CDHR2: variants seen among roughly 807,000 people sequenced by gnomAD.
The protein encoded by CDHR2 is cadherin-related family member 2.
In CDHR2, 104 loss-of-function variants were observed where a neutral mutation model predicts 138.6. The ratio of observed to expected loss-of-function variants is 0.75; its 90% confidence interval spans 0.64 to 0.88. CDHR2 has a LOEUF of 0.88. CDHR2 is among the 40% of genes least tolerant of loss of function. The pLI, the probability that CDHR2 is intolerant of heterozygous loss-of-function variation, is 0.00. For missense variants in CDHR2, 1,624 were observed against 1,727.6 expected, an observed-to-expected ratio of 0.94 and a Z score of 1.06; for synonymous variants, 755 against 742.8, an observed-to-expected ratio of 1.02 and a Z score of -0.27.
intron 3 of CDHR2, among the ~76,000 whole-genome samples, chr5:176,567,934 C>CT (rs1269624693): frequency 6.6e-6 from 1 of 152,244 alleles, no homozygotes; most frequent in African/African-American, 2.4e-5. Flanking sequence ...TGGCCTTCTG[C>CT]TTTTAAAAGA....
chr5:176,565,636 G>GGTGTCCCGATGTTCCAGCACACT, intron 2 of CDHR2, 36 bp from the exon 3 acceptor site: 1 of 1,584,280 alleles, frequency 6.3e-7, no homozygotes, highest in East Asian at 2.2e-5. Context: ...GTTTTGCAGG[G>GGTGTCCCGATGTTCCAGCACACT]GTGTCCCGAT....
rs1758353840 is a variant in CDHR2, at chr5:176,575,535, G to A, written c.798G>A (p.Val266=). 6.2e-7 allele frequency: 1 copy of A among 1,614,072 alleles called. No homozygotes were observed. Among genetic ancestry groups the A allele is most frequent in the Non-Finnish European group, 8.5e-7 (1 of 1,180,046 alleles). ...CCTCGGTGCTGACGGTGGAGGCTGT[G>A]GATGGCGACAAAGGCATCAATGACC... ...KGTSVLTVEA[V]DGDKGINDPV... is the part of the protein sequence containing the mutation. The change falls in exon 10 of 32, where the codon GTG becomes GTA. Residue 266 remains valine (V), a synonymous_variant. Transcript: ENST00000261944.
At chr5:176,546,063 A>T (rs1189328145), upstream of CDHR2, among the ~76,000 whole-genome samples, 1 of 152,194 alleles carries the variant, frequency 6.6e-6, no homozygotes, top group Non-Finnish European at 1.5e-5. Flanking sequence ...CAGCAGAGCG[A>T]CCAGGCTGAC....
chr5:176,587,458 T>A (rs7703586), intron 21 of CDHR2, among the ~76,000 whole-genome samples: 85,587 of 150,068 alleles, frequency 0.57, 24,787 homozygotes, highest in Admixed American at 0.66. Context: ...CAAAAAAAAA[T>A]AAATAAATAA....
intron 21 of CDHR2, 146 bp downstream of exon 21, chr5:176,586,988 T>C: frequency 1.5e-6 from 1 of 647,502 alleles, no homozygotes; most frequent in South Asian, 1.8e-5. Flanking sequence ...AACACCTGTC[T>C]AATCAATGTA....
intron 16 of CDHR2, among the ~76,000 whole-genome samples, chr5:176,580,107 A>AAC (rs202085342): frequency 2.7e-5 from 4 of 148,972 alleles, no homozygotes; most frequent in South Asian, 4.2e-4. Flanking sequence ...GCAGGACAGG[A>AAC]ACACACACAC....
chr5:176,557,666 G>A lies in CDHR2; in HGVS notation c.-15-7672G>A, dbSNP rs373147290. 3.7e-4 allele frequency among the ~76,000 whole-genome samples: 53 copies of A among 141,872 alleles called. 1 individual carries two copies. Among genetic ancestry groups the A allele is most frequent in the African/African-American group, 1.3e-3 (50 of 37,714 alleles). The allele number at this position is 141,872 out of a possible 152,430, so 93.1% of individuals were successfully genotyped here. ...CTGCAACCTCGGCCTCCTGGGCTAA[G>A]TCATTATCTGTTGATTTTTTTTTCT... On this transcript the variant is annotated intron_variant, in intron 1 of 31. Coordinates refer to ENST00000261944, the MANE Select transcript of CDHR2 (RefSeq NM_017675.6).
At position 176,584,557 on chromosome 5, in the gene CDHR2, G is replaced by A. The variant is rs143101284; in HGVS notation, c.2276G>A (p.Arg759Gln). The A allele has an allele frequency of 2.9e-5, 47 of 1,612,080 alleles. No individual in the cohort carries two copies. The African/African-American group carries it at 4.8e-4, about 16-fold the overall frequency. ...GCTGGGTGGGCTGAGGGCTACCTCC[G>A]GCTGCCCCCGGACGTGAGCCTGGAT... is the stretch of plus-strand genomic sequence containing the variant. ...LGAGWAEGYLRLPPDVSLDYE... is the reference protein window; with the variant it reads ...LGAGWAEGYLQLPPDVSLDYE... The change falls in exon 19 of 32, where the codon CGG becomes CAG. Residue 759 changes from arginine (R) to glutamine (Q), a missense_variant. Coordinates refer to ENST00000261944, the MANE Select transcript of CDHR2 (RefSeq NM_017675.6).
chr5:176,560,609 T>C (rs1757943652), intron 1 of CDHR2, among the ~76,000 whole-genome samples: 1 of 152,172 alleles, frequency 6.6e-6, no homozygotes, highest in East Asian at 1.9e-4. Context: ...AGTGCACTAT[T>C]AGGTGGTACT....
At chr5:176,549,812 T>A (rs976607378) in intron 1 of CDHR2, among the ~76,000 whole-genome samples, 10 of 152,194 alleles carry the variant, frequency 6.6e-5, no homozygotes, top group Non-Finnish European at 1.2e-4. Context: ...ACATCCCAGC[T>A]CCACCCTGAC....
At chr5:176,563,431 G>A (rs1311858265) in intron 1 of CDHR2, among the ~76,000 whole-genome samples, 1 of 152,062 alleles carries the variant, frequency 6.6e-6, no homozygotes, top group Non-Finnish European at 1.5e-5. Context: ...TGGATGAGCT[G>A]TAATTGCTTT....
intron 1 of CDHR2, among the ~76,000 whole-genome samples, chr5:176,563,281 G>A (rs1241419800): frequency 6.6e-6 from 1 of 152,194 alleles, no homozygotes; most frequent in Non-Finnish European, 1.5e-5. Context: ...AATGGAGGCA[G>A]AGGTTGCAGT....
rs1758613790 is a variant in CDHR2, at chr5:176,584,690, C to T, written c.2409C>T (p.Asp803=). The T allele has an allele frequency of 6.2e-7, 1 of 1,614,160 alleles. No homozygotes were observed. Among genetic ancestry groups the T allele is most frequent in the South Asian group, 1.1e-5 (1 of 91,086 alleles). ...DVCVNVKDVN[D]NPPTLDVASL... The stretch of plus-strand genomic sequence containing the variant: ...GCGTGAATGTGAAAGACGTGAACGA[C>T]AATCCCCCCACCCTGGATGTAGCCT... The change falls in exon 19 of 32, where the codon GAC becomes GAT. Residue 803 remains aspartate, a synonymous_variant. Transcript: ENST00000261944.
intron 1 of CDHR2, among the ~76,000 whole-genome samples, chr5:176,558,981 A>G (rs10071661): frequency 0.96 from 146,868 of 152,302 alleles, 71,051 homozygotes; most frequent in East Asian, 1. Flanking sequence ...GGGATTATGT[A>G]AAAGATTAGC....
chr5:176,582,604 C>T (rs1461702179), intron 17 of CDHR2, among the ~76,000 whole-genome samples: 6 of 152,062 alleles, frequency 3.9e-5, no homozygotes, highest in South Asian at 4.1e-4. Flanking sequence ...GGCAACATAG[C>T]GAGACCCCAT....
intron 21 of CDHR2, among the ~76,000 whole-genome samples, chr5:176,588,404 A>AGT (rs1244464568): frequency 1.5e-5 from 1 of 67,048 alleles, no homozygotes; most frequent in Non-Finnish European, 3.4e-5. Flanking sequence ...TGAGTGCATG[A>AGT]GAGAGTGAGG....
At chr5:176,551,231 G>A (rs1032236140) in intron 1 of CDHR2, among the ~76,000 whole-genome samples, 9 of 151,768 alleles carry the variant, frequency 5.9e-5, no homozygotes, top group African/African-American at 2.2e-4. Context: ...GCAGTGGTGC[G>A]ATCTCAGTTC....
upstream of CDHR2, among the ~76,000 whole-genome samples, chr5:176,546,283 C>T (rs1426847942): frequency 1.3e-5 from 2 of 152,120 alleles, no homozygotes; most frequent in East Asian, 1.9e-4. Flanking sequence ...GGGTGGTGAT[C>T]TAATCTGTCT....
upstream of CDHR2, among the ~76,000 whole-genome samples, chr5:176,545,751 C>A (rs913954880): frequency 1.3e-5 from 2 of 152,198 alleles, no homozygotes; most frequent in African/African-American, 4.8e-5. Flanking sequence ...GGCTCTTAGT[C>A]CCACTCTGCC....
Sources: gnomAD v4.1 joint callset for allele counts (sites outside exome capture counted in the v4.1 genomes callset) on GRCh38, gnomAD v4.1.1 for gene constraint, MANE v1.5 for transcripts, NCBI Gene and HGNC (gene_info 2026-07-23, HGNC 2026-07-21) for gene names.